The following STPG2 variants were observed in gnomAD, a reference collection of about 807,000 sequenced individuals.
STPG2 encodes the protein sperm-tail PG-rich repeat-containing protein 2.
STPG2 carries 56 observed loss-of-function variants against 54.2 expected under a neutral mutation model. The observed-to-expected ratio is 1.03, with a 90% CI of 0.83 to 1.29. The LOEUF is 1.29. Ranked by LOEUF, STPG2 falls within the 50% of genes most tolerant of loss-of-function variation. The pLI is 0.00. For missense variants in STPG2, 596 were observed against 544.9 expected (o/e 1.09, Z -0.93); for synonymous variants, 200 against 181.8 (o/e 1.10, Z -0.81).
chr4:97,830,098 G>GA (rs1348347716), intron 9 of STPG2, among the ~76,000 whole-genome samples: 1 of 152,064 alleles, frequency 6.6e-6, no homozygotes, highest in Non-Finnish European at 1.5e-5. Flanking sequence ...TGACATGAAG[G>GA]AAAAAATGTT....
intron 8 of STPG2, among the ~76,000 whole-genome samples, chr4:97,899,450 T>C (rs982400443): frequency 7.2e-5 from 11 of 152,036 alleles, no homozygotes; most frequent in African/African-American, 2.7e-4. Flanking sequence ...AATGATTTTC[T>C]TCACTGAACT....
intron 8 of STPG2, among the ~76,000 whole-genome samples, chr4:97,907,945 G>A (rs1471500693): frequency 1.3e-5 from 2 of 152,190 alleles, no homozygotes; most frequent in South Asian, 2.1e-4. Flanking sequence ...GACCATTCAG[G>A]TCATAGGCTT....
At chr4:97,997,041 A>G (rs912888294) in intron 5 of STPG2, among the ~76,000 whole-genome samples, 4 of 152,236 alleles carry the variant, frequency 2.6e-5, no homozygotes, top group Non-Finnish European at 4.4e-5. Flanking sequence ...AATTTCTCAA[A>G]GAACTTAAAA....
chr4:97,584,961 T>C (rs1216833560), intron 10 of STPG2, among the ~76,000 whole-genome samples: 2 of 151,730 alleles, frequency 1.3e-5, no homozygotes, highest in Admixed American at 6.6e-5. Flanking sequence ...CCAATCTTAC[T>C]GAAACTATTC....
intron 10 of STPG2, among the ~76,000 whole-genome samples, chr4:97,610,779 T>G (rs1349458213): frequency 4.6e-5 from 7 of 151,986 alleles, no homozygotes; most frequent in Admixed American, 1.3e-4. Context: ...ACTTGATGAC[T>G]GGCAAATACG....
chr4:97,539,737 C>G (rs1038459867), intron 4 of STPG2, among the ~76,000 whole-genome samples: 1 of 152,138 alleles, frequency 6.6e-6, no homozygotes, highest in Non-Finnish European at 1.5e-5. Flanking sequence ...CACCACAAAT[C>G]AACAGAATAT....
chr4:97,846,573 C>T (rs917040439), intron 8 of STPG2, among the ~76,000 whole-genome samples: 8 of 147,034 alleles, frequency 5.4e-5, no homozygotes, highest in South Asian at 2.2e-4. Context: ...TGCAGTGAGC[C>T]GAGACGGTGC....
At chr4:98,031,160 A>G (rs1055889745) in intron 5 of STPG2, among the ~76,000 whole-genome samples, 5 of 152,116 alleles carry the variant, frequency 3.3e-5, no homozygotes, top group Non-Finnish European at 5.9e-5. Context: ...GTGAAAGGAC[A>G]CCCTTTTCAA....
At chr4:97,540,488 T>C (rs1731668445) in intron 4 of STPG2, among the ~76,000 whole-genome samples, 2 of 152,020 alleles carry the variant, frequency 1.3e-5, no homozygotes, top group African/African-American at 4.8e-5. Context: ...AATTAATAGC[T>C]TACCAACCAA....
chr4:97,783,966 T>C (rs529864127), intron 9 of STPG2, among the ~76,000 whole-genome samples: 71 of 150,706 alleles, frequency 4.7e-4, no homozygotes, highest in Non-Finnish European at 4.4e-5. Flanking sequence ...ATACCTAATG[T>C]AAATGACGAG....
intron 9 of STPG2, among the ~76,000 whole-genome samples, chr4:97,733,219 A>G (rs1383246389): frequency 6.6e-6 from 1 of 152,218 alleles, no homozygotes; most frequent in East Asian, 1.9e-4. Flanking sequence ...GCAGCTAAAG[A>G]AAACGTGGTG....
At chr4:97,619,733 G>GTTC (rs1733962776) in intron 10 of STPG2, among the ~76,000 whole-genome samples, 1 of 151,768 alleles carries the variant, frequency 6.6e-6, no homozygotes, top group Non-Finnish European at 1.5e-5. Flanking sequence ...ACCCCTTGAA[G>GTTC]TTCTTCTCTC....
At chr4:97,788,274 T>C (rs543213435) in intron 9 of STPG2, among the ~76,000 whole-genome samples, 1 of 152,168 alleles carries the variant, frequency 6.6e-6, no homozygotes, top group Admixed American at 6.6e-5. Context: ...TCTATTTCTA[T>C]GAATTCAATT....
Position 97,591,128 on chromosome 4 carries a change from T to C in STPG2, c.1321-32011A>G, listed in dbSNP as rs142728541. Among the ~76,000 whole-genome samples the C allele has an allele frequency of 4.1e-3, 628 of 152,240 alleles. 3 individuals are homozygous for C. Among genetic ancestry groups the C allele is most frequent in the South Asian group, 0.02 (98 of 4,820 alleles). Reference sequence around the variant, plus strand: ...ATAGTTAAAAGACAGAAGATATTAATATTAGTTGATGAAATGATAAGCATG... The same window carrying C: ...ATAGTTAAAAGACAGAAGATATTAACATTAGTTGATGAAATGATAAGCATG... On this transcript the variant is annotated intron_variant, in intron 10 of 10. Transcript: ENST00000295268.
At chr4:97,961,835 G>C (rs1733901894) in intron 7 of STPG2, among the ~76,000 whole-genome samples, 1 of 152,180 alleles carries the variant, frequency 6.6e-6, no homozygotes, top group African/African-American at 2.4e-5. Context: ...ACTACCATTT[G>C]ATCCAGCAAT....
intron 4 of STPG2, among the ~76,000 whole-genome samples, chr4:97,462,855 T>G (rs187681423): frequency 2.1e-4 from 32 of 152,260 alleles, no homozygotes; most frequent in African/African-American, 7.0e-4. Flanking sequence ...TTGTATGGAC[T>G]GAGAACTCCA....
chr4:97,479,139 TAC>T (rs144654407), intron 4 of STPG2, among the ~76,000 whole-genome samples: 92 of 149,804 alleles, frequency 6.1e-4, no homozygotes, highest in African/African-American at 1.4e-3. Flanking sequence ...TGCATGTGTA[TAC>T]ACACACACAC....
chr4:98,031,404 C>T (rs1373362462), intron 5 of STPG2, among the ~76,000 whole-genome samples: 1 of 152,122 alleles, frequency 6.6e-6, no homozygotes, highest in African/African-American at 2.4e-5. Context: ...ATGGGCCAGG[C>T]ATGGTGGCTC....
intron 8 of STPG2, among the ~76,000 whole-genome samples, chr4:97,921,722 A>C (rs1045129660): frequency 2.0e-5 from 3 of 152,208 alleles, no homozygotes; most frequent in African/African-American, 7.2e-5. Context: ...TTACTGAAAA[A>C]TATGACAGAA....
Sources: gnomAD v4.1 joint callset for allele counts (sites outside exome capture counted in the v4.1 genomes callset) on GRCh38, gnomAD v4.1.1 for gene constraint, MANE v1.5 for transcripts, NCBI Gene and HGNC (gene_info 2026-07-23, HGNC 2026-07-21) for gene names.